The following PKHD1 variants were observed in gnomAD, a reference collection of about 807,000 sequenced individuals.
The protein encoded by PKHD1 is fibrocystin.
A neutral mutation model predicts 412.0 loss-of-function variants in PKHD1; 291 were observed. The ratio of observed to expected loss-of-function variants is 0.71; its 90% CI spans 0.64 to 0.78. The LOEUF (loss-of-function observed/expected upper bound fraction) is 0.78, where lower values mean the gene tolerates loss of function less well. Among genes scored for constraint, PKHD1 ranks in the 30% least tolerant of loss-of-function variants. The pLI is 0.00. For missense variants in PKHD1, 4,825 were observed against 4,950.7 expected (o/e 0.97, Z 0.76); for synonymous variants, 1,777 against 1,821.5 (o/e 0.98, Z 0.62).
intron 27 of PKHD1, among the ~76,000 whole-genome samples, chr6:52,042,358 C>T (rs1455355482): frequency 3.3e-5 from 5 of 152,154 alleles, no homozygotes; most frequent in South Asian, 2.1e-4. Context: ...AATGTTTATT[C>T]GTTAACAAAC....
intron 55 of PKHD1, among the ~76,000 whole-genome samples, chr6:51,760,257 C>T (rs778833387): frequency 7.9e-5 from 12 of 152,086 alleles, no homozygotes; most frequent in East Asian, 1.9e-4. Flanking sequence ...AGAAAATACA[C>T]ATCAAGTCAA....
chr6:52,070,082 T>C (rs947380788), intron 10 of PKHD1, among the ~76,000 whole-genome samples: 3 of 152,206 alleles, frequency 2.0e-5, no homozygotes, highest in Admixed American at 6.5e-5. Flanking sequence ...GATGGTACAA[T>C]GTATTTCATG....
At chr6:51,975,634 A>AAAC (rs1428004699) in intron 35 of PKHD1, 2 of 151,230 alleles carry the variant, frequency 1.3e-5, no homozygotes, top group Non-Finnish European at 3.0e-5. Context: ...CATAAAAAAA[A>AAAC]AAAAAAACAA....
At chr6:51,976,292 G>T (rs1402520291) in intron 35 of PKHD1, among the ~76,000 whole-genome samples, 1 of 152,176 alleles carries the variant, frequency 6.6e-6, no homozygotes, top group Admixed American at 6.5e-5. Flanking sequence ...TACATTCAAT[G>T]AAATTTTATT....
intron 54 of PKHD1, among the ~76,000 whole-genome samples, chr6:51,773,111 C>G (rs1223906815): frequency 6.6e-6 from 1 of 151,934 alleles, no homozygotes; most frequent in Non-Finnish European, 1.5e-5. Flanking sequence ...TACGTGACTC[C>G]AAACCATTTG....
chr6:51,822,711 T>C (rs1332826530), intron 52 of PKHD1, among the ~76,000 whole-genome samples: 1 of 152,190 alleles, frequency 6.6e-6, no homozygotes, highest in Admixed American at 6.6e-5. Flanking sequence ...AGTATATGAC[T>C]ATAATGGAAT....
At chr6:51,959,120 T>C (rs1192480470) in intron 36 of PKHD1, among the ~76,000 whole-genome samples, 1 of 152,142 alleles carries the variant, frequency 6.6e-6, no homozygotes, top group Non-Finnish European at 1.5e-5. Flanking sequence ...GTGTTAAATA[T>C]ATTTATAGTA....
chr6:52,014,641 ATG>A (rs1341990338), intron 34 of PKHD1, among the ~76,000 whole-genome samples: 4 of 150,164 alleles, frequency 2.7e-5, no homozygotes, highest in African/African-American at 7.4e-5. Context: ...TGGATCATGG[ATG>A]GATGAATGGA....
chr6:52,045,040 C>A lies in PKHD1; in HGVS notation c.2641G>T (p.Val881Leu). The change falls in exon 25 of 67, where the codon GTG becomes TTG. Residue 881 changes from valine to leucine, a missense_variant. Transcript: ENST00000371117. ...AGAAAAACTCCACCATCATATACCA[C>A]ACGCGTGGCTGCAGCAGGATTCACT... The part of the protein sequence containing the change: ...TGVNPAAATR[V>L]VYDGGVFLGP... 6.2e-7 allele frequency: 1 copy of A among 1,613,296 alleles called. No homozygotes were observed. Among genetic ancestry groups the A allele is most frequent in the Non-Finnish European group, 8.5e-7 (1 of 1,179,254 alleles).
chr6:51,868,076 A>G lies in PKHD1; in HGVS notation c.7520T>C (p.Phe2507Ser). The G allele has an allele frequency of 3.1e-6, 5 of 1,612,058 alleles. No individual in the cohort carries two copies. The highest frequency in any genetic ancestry group is 4.2e-6 in the Non-Finnish European group (5 of 1,178,210). ...TGCCACTAAGTTTGAAGAGTTTGTA[A>G]ACTTCAACTGGCTGGTCTTCACAGT... is the stretch of plus-strand genomic sequence containing the variant. ...GFTVKTSQLKFTNSSNLVAFP... is the reference protein window; with the variant it reads ...GFTVKTSQLKSTNSSNLVAFP... The change falls in exon 48 of 67, where the codon TTT (phenylalanine) becomes TCT (serine). Residue 2507 changes from phenylalanine (F) to serine (S), a missense_variant. Physicochemically the swap from Phe to Ser is radical, Grantham distance 155. Coordinates refer to ENST00000371117, the MANE Select transcript of PKHD1 (RefSeq NM_138694.4).
At chr6:51,758,776 A>G (rs537675688) in intron 55 of PKHD1, among the ~76,000 whole-genome samples, 1 of 152,274 alleles carries the variant, frequency 6.6e-6, no homozygotes, top group South Asian at 2.1e-4. Flanking sequence ...ATAACTTTTG[A>G]CCTAGTTCAG....
intron 52 of PKHD1, among the ~76,000 whole-genome samples, chr6:51,794,091 C>T (rs1794196355): frequency 6.9e-6 from 1 of 144,504 alleles, no homozygotes; most frequent in Non-Finnish European, 1.5e-5. Context: ...CTCTGTCGTG[C>T]AGTGGCGTGA....
Position 52,065,081 on chromosome 6 carries a change from G to C in PKHD1, c.881-31C>G, listed in dbSNP as rs373441813. On this transcript the variant is annotated intron_variant, in intron 12 of 66. Transcript: ENST00000371117. ...GCGAATTAAAGAAATTTATGTATGTGTGTGTGTGTAGGTATACATATATAT... is the reference window on the plus strand; with the variant it reads ...GCGAATTAAAGAAATTTATGTATGTCTGTGTGTGTAGGTATACATATATAT... The C allele has an allele frequency of 2.7e-6, 3 of 1,101,334 alleles. No homozygotes were observed. In the African/African-American group the frequency reaches 5.0e-5, roughly 18 times the overall value. 68.2% of individuals were successfully genotyped at this position (1,101,334 alleles called of 1,614,324 possible).
intron 47 of PKHD1, among the ~76,000 whole-genome samples, 163 bp from the exon 48 acceptor site, chr6:51,868,272 G>A (rs1033019539): frequency 2.0e-5 from 3 of 152,132 alleles, no homozygotes; most frequent in Non-Finnish European, 4.4e-5. Context: ...TACAGTGAGT[G>A]TTTACTGTCT....
intron 27 of PKHD1, among the ~76,000 whole-genome samples, chr6:52,037,101 T>C (rs1804079863): frequency 1.3e-5 from 2 of 152,096 alleles, no homozygotes; most frequent in African/African-American, 4.8e-5. Context: ...TATGAGGCTA[T>C]AGATTAGGAT....
intron 66 of PKHD1, among the ~76,000 whole-genome samples, chr6:51,620,101 T>TC (rs1449672484): frequency 6.6e-6 from 1 of 152,174 alleles, no homozygotes; most frequent in African/African-American, 2.4e-5. Context: ...AGGCCCAAGT[T>TC]CCCCTTCTCC....
At chr6:52,056,574 C>A in intron 18 of PKHD1, 124 bp downstream of exon 18, 1 of 818,440 alleles carries the variant, frequency 1.2e-6, no homozygotes, top group Middle Eastern at 3.1e-4. Flanking sequence ...TGTCCAAATC[C>A]AGGTTTCATA....
chr6:52,056,673 A>G (rs1581999245), intron 18 of PKHD1, 25 bp downstream of exon 18: 2 of 1,505,726 alleles, frequency 1.3e-6, no homozygotes, highest in African/African-American at 1.4e-5. Flanking sequence ...GAAAAAGACA[A>G]TCAGAATGAA....
rs1772550785 is a variant in PKHD1, at chr6:51,659,901, C to T, written c.10225G>A (p.Asp3409Asn). ...CTATCAAGAATTAGGACCACTTGGT[C>T]AGTCTGTTTGCAGATGAATCCTTGC... ...LMQGFICKQT[D>N]QVVLILDSAD... Residue 3409 changes from aspartate (D) to asparagine (N), a missense_variant, in exon 61 of 67, where the codon GAC (aspartate) becomes AAC (asparagine). By Grantham distance (23) the Asp-to-Asn change is conservative. Transcript: ENST00000371117. The T allele has an allele frequency of 1.2e-6, 2 of 1,612,468 alleles. No individual in the cohort carries two copies. Among genetic ancestry groups the T allele is most frequent in the Non-Finnish European group, 1.7e-6 (2 of 1,178,844 alleles).
Sources: gnomAD v4.1 joint callset for allele counts (sites outside exome capture counted in the v4.1 genomes callset) on GRCh38, gnomAD v4.1.1 for gene constraint, MANE v1.5 for transcripts, NCBI Gene and HGNC (gene_info 2026-07-23, HGNC 2026-07-21) for gene names.